CDKAL1: variants seen among roughly 807,000 people sequenced by gnomAD.
CDKAL1 encodes the protein CDKAL1 threonylcarbamoyladenosine tRNA methylthiotransferase, also known as threonylcarbamoyladenosine tRNA methylthiotransferase.
A neutral mutation model predicts 68.2 loss-of-function variants in CDKAL1; 32 were observed. The observed-to-expected ratio is 0.47, with a 90% CI of 0.35 to 0.63. The LOEUF is 0.63. CDKAL1 is among the 30% of genes least tolerant of loss of function. CDKAL1 has a pLI of 0.00. For synonymous variants in CDKAL1, 234 were observed against 244.3 expected, an observed-to-expected ratio of 0.96 and a Z score of 0.39; for missense variants, 606 against 696.7, an observed-to-expected ratio of 0.87 and a Z score of 1.47.
At chr6:20,603,929 AC>A (rs1169039832) in intron 4 of CDKAL1, among the ~76,000 whole-genome samples, 1 of 151,258 alleles carries the variant, frequency 6.6e-6, no homozygotes, top group Non-Finnish European at 1.5e-5. Flanking sequence ...GGCGCTTGCC[AC>A]CACGCCCGGC....
intron 13 of CDKAL1, among the ~76,000 whole-genome samples, chr6:21,116,720 A>T (rs1774431399): frequency 6.6e-6 from 1 of 152,218 alleles, no homozygotes; most frequent in Admixed American, 6.5e-5. Flanking sequence ...TAATAGGGAA[A>T]AGGCAAAGTT....
In CDKAL1 at chr6:20,880,448, G is replaced by A. The variant is rs1315280936; in HGVS notation, c.742+34270G>A. On this transcript the variant is annotated intron_variant, in intron 9 of 15. Transcript: ENST00000274695. The stretch of plus-strand genomic sequence containing the variant: ...TTTTTGTATTTTTTAGTAGGGACAG[G>A]GTTTCACCATGTTGGCCAGGAGTGT... Among the ~76,000 whole-genome samples the A allele has an allele frequency of 2.0e-5, 3 of 152,110 alleles. No homozygotes were observed. The East Asian group carries it at 5.8e-4, about 29-fold the overall frequency.
intron 13 of CDKAL1, among the ~76,000 whole-genome samples, chr6:21,148,627 C>CT (rs1435487008): frequency 5.3e-5 from 8 of 151,714 alleles, no homozygotes; most frequent in South Asian, 2.1e-4. Flanking sequence ...ATATATTTTT[C>CT]TTTTTTTTAC....
At chr6:20,823,771 C>G (rs1338383491) in intron 8 of CDKAL1, among the ~76,000 whole-genome samples, 2 of 152,090 alleles carry the variant, frequency 1.3e-5, no homozygotes, top group Admixed American at 1.3e-4. Context: ...GCTGCGTTTT[C>G]TAGGATTTGA....
chr6:21,028,762 A>G (rs201305), intron 11 of CDKAL1, among the ~76,000 whole-genome samples: 13,765 of 152,240 alleles, frequency 0.09, 806 homozygotes, highest in Middle Eastern at 0.16. Flanking sequence ...AGATTAAAAA[A>G]TAGAGACTTA....
chr6:20,751,785 C>T (rs4712539), intron 6 of CDKAL1, among the ~76,000 whole-genome samples: 1 of 151,946 alleles, frequency 6.6e-6, no homozygotes, highest in Non-Finnish European at 1.5e-5. Context: ...AACATACTGC[C>T]TGTCTTTTTT....
intron 5 of CDKAL1, among the ~76,000 whole-genome samples, chr6:20,679,765 C>T (rs1048441208): frequency 7.2e-5 from 11 of 151,876 alleles, no homozygotes; most frequent in Admixed American, 2.0e-4. Flanking sequence ...ATTTATTTGC[C>T]TTCGTTCATT....
At chr6:20,778,493 G>A (rs1775273203) in intron 7 of CDKAL1, among the ~76,000 whole-genome samples, 1 of 152,186 alleles carries the variant, frequency 6.6e-6, no homozygotes, top group Admixed American at 6.5e-5. Flanking sequence ...TATATTAGTT[G>A]GGACCAATGG....
At chr6:20,878,304 T>C (rs138015504) in intron 9 of CDKAL1, among the ~76,000 whole-genome samples, 25 of 152,326 alleles carry the variant, frequency 1.6e-4, no homozygotes, top group South Asian at 6.2e-4. Context: ...ATTTCTTATC[T>C]GTTCGTACCT....
At chr6:21,168,681 A>G (rs1417574694) in intron 13 of CDKAL1, among the ~76,000 whole-genome samples, 8 of 152,244 alleles carry the variant, frequency 5.3e-5, no homozygotes, top group Admixed American at 4.6e-4. Context: ...TCAAAGAGCT[A>G]TAAATACAAT....
At chr6:21,173,693 C>T (rs1246807155) in intron 13 of CDKAL1, among the ~76,000 whole-genome samples, 1 of 152,192 alleles carries the variant, frequency 6.6e-6, no homozygotes, top group African/African-American at 2.4e-5. Flanking sequence ...GATGAATACA[C>T]AAGCAATTAC....
intron 13 of CDKAL1, among the ~76,000 whole-genome samples, chr6:21,184,918 C>A (rs576007514): frequency 4.3e-4 from 65 of 150,040 alleles, no homozygotes; most frequent in African/African-American, 1.4e-3. Flanking sequence ...CTACCCACCT[C>A]AACCTCCCAA....
intron 8 of CDKAL1, among the ~76,000 whole-genome samples, chr6:20,832,056 T>G (rs1447223850): frequency 1.3e-5 from 2 of 152,198 alleles, no homozygotes; most frequent in African/African-American, 4.8e-5. Flanking sequence ...CTGGGCCAAA[T>G]GTGTTGTTGA....
chr6:21,162,344 G>C (rs187507132), intron 13 of CDKAL1, among the ~76,000 whole-genome samples: 8 of 152,102 alleles, frequency 5.3e-5, no homozygotes, highest in Non-Finnish European at 8.8e-5. Context: ...ATCTATTTGG[G>C]GTCATGGAAA....
At chr6:21,193,733 T>G (rs1778353173) in intron 13 of CDKAL1, among the ~76,000 whole-genome samples, 1 of 152,232 alleles carries the variant, frequency 6.6e-6, no homozygotes, top group South Asian at 2.1e-4. Context: ...GACCTTTCAT[T>G]GTCCATCCAT....
intron 4 of CDKAL1, among the ~76,000 whole-genome samples, chr6:20,596,879 C>T (rs942174588): frequency 2.8e-4 from 42 of 152,160 alleles, no homozygotes; most frequent in Non-Finnish European, 4.9e-4. Context: ...CTCACGGCTT[C>T]CCTTGGCTAG....
intron 9 of CDKAL1, among the ~76,000 whole-genome samples, chr6:20,920,278 A>G (rs891615702): frequency 1.1e-4 from 17 of 152,188 alleles, no homozygotes; most frequent in Admixed American, 5.9e-4. Context: ...TTCTAGAACG[A>G]GACCTGAAAA....
At chr6:20,667,853 C>G (rs1428953189) in intron 5 of CDKAL1, among the ~76,000 whole-genome samples, 1 of 152,052 alleles carries the variant, frequency 6.6e-6, no homozygotes, top group Non-Finnish European at 1.5e-5. Flanking sequence ...TTAACAAATG[C>G]TAATATTTTA....
chr6:20,846,200 T>C (rs1430117353), intron 9 of CDKAL1, 22 bp downstream of exon 9: 14 of 1,404,038 alleles, frequency 1.0e-5, no homozygotes, highest in Non-Finnish European at 1.3e-5. Context: ...TAGAATTATA[T>C]GTGAAATTAG....
Sources: gnomAD v4.1 joint callset for allele counts (sites outside exome capture counted in the v4.1 genomes callset) on GRCh38, gnomAD v4.1.1 for gene constraint, MANE v1.5 for transcripts, NCBI Gene and HGNC (gene_info 2026-07-23, HGNC 2026-07-21) for gene names.